Variants in PDE4D observed in about 807,000 individuals in gnomAD.
The protein encoded by PDE4D is 3',5'-cyclic-AMP phosphodiesterase 4D.
In PDE4D, 24 loss-of-function variants were observed where a neutral mutation model predicts 87.4. The observed-to-expected ratio is 0.27, with a 90% CI of 0.20 to 0.39. The LOEUF is 0.39. PDE4D is among the 10% of genes least tolerant of loss of function. PDE4D has a pLI of 1.00. For missense variants in PDE4D, 714 were observed against 1,041.0 expected (o/e 0.69, Z 4.32); for synonymous variants, 384 against 383.2 (o/e 1.00, Z -0.02).
At chr5:59,767,673 T>C (rs1762972325) in intron 1 of PDE4D, among the ~76,000 whole-genome samples, 1 of 152,220 alleles carries the variant, frequency 6.6e-6, no homozygotes, top group African/African-American at 2.4e-5. Flanking sequence ...TGCAACTTTC[T>C]GCGTAGAATT....
At position 59,429,267 on chromosome 5, in the gene PDE4D, T is replaced by C. The variant is rs553401663; in HGVS notation, c.456-213299A>G. Reference sequence around the variant, plus strand: ...GTCTTAGGACACACTTTTCTGAATGTATTTTAAAATAGTTGCTTGGTGCTG... The same window carrying C: ...GTCTTAGGACACACTTTTCTGAATGCATTTTAAAATAGTTGCTTGGTGCTG... On this transcript the variant is annotated intron_variant, in intron 1 of 14. Transcript: ENST00000340635. 2.0e-5 allele frequency among the ~76,000 whole-genome samples: 3 copies of C among 152,314 alleles called. No homozygotes were observed. The South Asian group carries it at 6.2e-4, about 32-fold the overall frequency.
intron 5 of PDE4D, among the ~76,000 whole-genome samples, chr5:59,065,784 A>C (rs1763836890): frequency 6.6e-6 from 1 of 152,154 alleles, no homozygotes; most frequent in Non-Finnish European, 1.5e-5. Flanking sequence ...GGCATTTGGA[A>C]GTTATTGAGA....
chr5:59,074,572 A>T (rs950845355), intron 5 of PDE4D, among the ~76,000 whole-genome samples: 1 of 152,170 alleles, frequency 6.6e-6, no homozygotes, highest in Non-Finnish European at 1.5e-5. Context: ...AGCCTGGCCA[A>T]CATGGTGAAA....
chr5:60,258,484 T>C (rs1433975615), intron 1 of PDE4D, among the ~76,000 whole-genome samples: 1 of 151,974 alleles, frequency 6.6e-6, no homozygotes, highest in African/African-American at 2.4e-5. Context: ...GCTGGTGAAC[T>C]TGCAATGAAT....
chr5:59,454,898 CT>C (rs1421541528), intron 1 of PDE4D, among the ~76,000 whole-genome samples: 2 of 152,184 alleles, frequency 1.3e-5, no homozygotes, highest in Admixed American at 1.3e-4. Context: ...CATTTTACCC[CT>C]GCCCTAGAGA....
chr5:59,414,450 G>A (rs1445020529), intron 1 of PDE4D, among the ~76,000 whole-genome samples: 1 of 152,198 alleles, frequency 6.6e-6, no homozygotes, highest in African/African-American at 2.4e-5. Flanking sequence ...GAAGAATGCA[G>A]GGACACTTCA....
At chr5:60,204,314 A>ATTC (rs1424376324) in intron 1 of PDE4D, among the ~76,000 whole-genome samples, 3 of 151,940 alleles carry the variant, frequency 2.0e-5, no homozygotes, top group Non-Finnish European at 1.5e-5. Flanking sequence ...CTATCTATCT[A>ATTC]TTCTTCTTTT....
intron 1 of PDE4D, among the ~76,000 whole-genome samples, chr5:59,271,665 G>C (rs1763868501): frequency 3.9e-5 from 6 of 151,988 alleles, no homozygotes; most frequent in Admixed American, 3.9e-4. Flanking sequence ...AGAGTTGCAA[G>C]AAAATTCAGA....
intron 1 of PDE4D, among the ~76,000 whole-genome samples, chr5:60,412,032 T>C (rs913128902): frequency 1.3e-5 from 2 of 152,192 alleles, no homozygotes; most frequent in Non-Finnish European, 2.9e-5. Flanking sequence ...AACTATCTCT[T>C]TTTAGCTGAG....
At chr5:59,181,789 TGAGATTTGAACTAAAC>T (rs1373553195) in intron 4 of PDE4D, among the ~76,000 whole-genome samples, 1 of 152,134 alleles carries the variant, frequency 6.6e-6, no homozygotes, top group Non-Finnish European at 1.5e-5. Context: ...GTAACGAAGC[TGAGATTTGAACTAAAC>T]GAATGTGATC....
At chr5:60,040,394 A>G (rs2152867160) in intron 2 of PDE4D, among the ~76,000 whole-genome samples, 1 of 152,312 alleles carries the variant, frequency 6.6e-6, no homozygotes, top group Non-Finnish European at 1.5e-5. Flanking sequence ...TAAAAGGTAA[A>G]TGCTGATGAG....
At chr5:59,847,434 T>C (rs916022049) in intron 1 of PDE4D, among the ~76,000 whole-genome samples, 7 of 152,036 alleles carry the variant, frequency 4.6e-5, no homozygotes, top group Non-Finnish European at 1.0e-4. Context: ...CTGTGCAGAA[T>C]GCTAAGTGTG....
chr5:60,039,613 A>G (rs984743903), intron 2 of PDE4D, among the ~76,000 whole-genome samples: 3 of 151,982 alleles, frequency 2.0e-5, no homozygotes, highest in East Asian at 3.8e-4. Flanking sequence ...AATAAAAAAA[A>G]TAAAAAATAT....
intron 1 of PDE4D, among the ~76,000 whole-genome samples, chr5:59,390,918 C>T (rs921058541): frequency 6.6e-6 from 1 of 152,088 alleles, no homozygotes; most frequent in African/African-American, 2.4e-5. Context: ...ATAACTCATA[C>T]TGTTATTTAA....
At chr5:59,523,784 G>C (rs1260168114) in intron 1 of PDE4D, among the ~76,000 whole-genome samples, 1 of 152,166 alleles carries the variant, frequency 6.6e-6, no homozygotes, top group African/African-American at 2.4e-5. Context: ...CTCATGGGAG[G>C]TGATTAGATC....
rs79849716 is a variant in PDE4D at position 59,290,499 on chromosome 5, T to G, written c.456-74531A>C. Among the ~76,000 whole-genome samples, 794 of 152,138 alleles carry G rather than the reference T, an allele frequency of 5.2e-3. 4 individuals carry two copies. Among genetic ancestry groups the G allele is most frequent in the African/African-American group, 0.018 (734 of 41,562 alleles). On this transcript the variant is annotated intron_variant, in intron 1 of 14. Coordinates refer to ENST00000340635, the MANE Select transcript of PDE4D (RefSeq NM_001104631.2). ...AAAAGAAAACATTGAAGAAAGTCTC[T>G]AGAACATTGGACTGGGTAACAATTT...
At chr5:59,443,229 T>G (rs889128859) in intron 1 of PDE4D, among the ~76,000 whole-genome samples, 1 of 152,164 alleles carries the variant, frequency 6.6e-6, no homozygotes, top group Non-Finnish European at 1.5e-5. Context: ...AACGACTCTT[T>G]TGCTAATCTC....
intron 1 of PDE4D, among the ~76,000 whole-genome samples, chr5:59,760,395 G>A (rs373424586): frequency 6.6e-6 from 1 of 152,130 alleles, no homozygotes; most frequent in African/African-American, 2.4e-5. Flanking sequence ...TTCTTCTACT[G>A]TTGGATATGT....
At chr5:59,546,418 AT>A (rs1817272847) in intron 1 of PDE4D, among the ~76,000 whole-genome samples, 1 of 152,158 alleles carries the variant, frequency 6.6e-6, no homozygotes, top group Admixed American at 6.6e-5. Flanking sequence ...GCATGTTAAT[AT>A]TATGTGCCTT....
Sources: gnomAD v4.1 joint callset for allele counts (sites outside exome capture counted in the v4.1 genomes callset) on GRCh38, gnomAD v4.1.1 for gene constraint, MANE v1.5 for transcripts, NCBI Gene and HGNC (gene_info 2026-07-23, HGNC 2026-07-21) for gene names.